Variants in PIEZO2 observed in about 807,000 individuals in gnomAD.
PIEZO2 encodes the protein piezo-type mechanosensitive ion channel component 2.
PIEZO2 carries 172 observed loss-of-function variants against 337.3 expected under a neutral mutation model. The observed-to-expected ratio is 0.51, with a 90% CI of 0.45 to 0.58. The LOEUF (loss-of-function observed/expected upper bound fraction) is 0.58. Ranked by LOEUF, PIEZO2 falls within the 20% of genes least tolerant of loss-of-function variation. PIEZO2 has a pLI of 0.00. For synonymous variants in PIEZO2, 1,251 were observed against 1,228.5 expected (o/e 1.02, Z -0.38); for missense variants, 3,028 against 3,391.3 (o/e 0.89, Z 2.66).
intron 3 of PIEZO2, among the ~76,000 whole-genome samples, chr18:10,959,802 T>C (rs1598746958): frequency 6.6e-6 from 1 of 152,206 alleles, no homozygotes; most frequent in Admixed American, 6.5e-5. Context: ...ACGCCTATAA[T>C]AAAGTTAAAT....
At chr18:11,014,460 GTC>G in intron 2 of PIEZO2, among the ~76,000 whole-genome samples, 1 of 145,750 alleles carries the variant, frequency 6.9e-6, no homozygotes, top group Non-Finnish European at 1.5e-5. Context: ...TGGGGAACAT[GTC>G]ACCCTGGGTG....
chr18:10,756,302 G>A (rs1425692452), intron 27 of PIEZO2, among the ~76,000 whole-genome samples: 3 of 151,614 alleles, frequency 2.0e-5, no homozygotes, highest in African/African-American at 7.3e-5. Flanking sequence ...GGATGAGAAG[G>A]AGAAATGGAG....
Position 10,932,648 on chromosome 18 carries a change from C to T in PIEZO2, c.287-21420G>A, listed in dbSNP as rs533146871. 1.6e-4 allele frequency among the ~76,000 whole-genome samples: 24 copies of T among 152,144 alleles called. No individual in the cohort carries two copies. The South Asian group carries it at 3.9e-3, about 25-fold the overall frequency. On this transcript the variant is annotated intron_variant, in intron 3 of 55. Transcript: ENST00000674853. ...AAGGAAAAGAAAAGGAAAAGCCAGG[C>T]GTGGTGGCTCAAGCCTGTAATCCCA...
At chr18:11,087,208 C>T (rs566954362) in intron 1 of PIEZO2, among the ~76,000 whole-genome samples, 1 of 152,338 alleles carries the variant, frequency 6.6e-6, no homozygotes, top group South Asian at 2.1e-4. Flanking sequence ...ATACCTCAGG[C>T]TTCCCAGCCA....
In PIEZO2 at chr18:10,701,887, C is replaced by A. The variant is rs1043371386; in HGVS notation, c.6441+102G>T. On this transcript the variant is annotated intron_variant, in intron 43 of 55. Transcript: ENST00000674853. ...TAGATACCACTCACTGGCCCCTCAG[C>A]CCCATCACCAATCCTGATGTCCAGG... The A allele has an allele frequency of 9.9e-6, 10 of 1,005,822 alleles. No individual in the cohort carries two copies. The African/African-American group carries it at 1.3e-4, about 14-fold the overall frequency. 62.3% of individuals were successfully genotyped at this position (1,005,822 alleles called of 1,614,324 possible). A position where few individuals can be genotyped will look rare whatever the true frequency, so the allele number is the denominator to read the frequency against.
At chr18:10,741,730 T>G (rs2037224812) in intron 32 of PIEZO2, among the ~76,000 whole-genome samples, 1 of 152,224 alleles carries the variant, frequency 6.6e-6, no homozygotes, top group Non-Finnish European at 1.5e-5. Flanking sequence ...CAGGCAACGA[T>G]TGAATGATAT....
At chr18:10,842,191 T>C (rs1370390791) in intron 7 of PIEZO2, among the ~76,000 whole-genome samples, 1 of 152,194 alleles carries the variant, frequency 6.6e-6, no homozygotes, top group Admixed American at 6.5e-5. Context: ...TTTTTATTTT[T>C]GTTTTTTATT....
Position 10,815,713 on chromosome 18 carries a change from GAGA to G in PIEZO2, c.918-8442_918-8440del, listed in dbSNP as rs1201155883. Among the ~76,000 whole-genome samples, 1 of 152,210 alleles carries G rather than the reference GAGA, an allele frequency of 6.6e-6. No individual in the cohort carries two copies. Among genetic ancestry groups the G allele is most frequent in the African/African-American group, 2.4e-5 (1 of 41,452 alleles). ...TGGGAGTGCTCTCACTCAGGAACAA[GAGA>G]AGAAGGAGAACAGTCTTCTGATGGT... is the stretch of plus-strand genomic sequence containing the variant. On this transcript the variant is annotated intron_variant, in intron 7 of 55. Transcript: ENST00000674853. This position sits in a 1 kb window ranked among gnomAD's most constrained non-coding sequence, Gnocchi z 4.1.
rs930948390 is a variant in PIEZO2, at chr18:10,855,933, T to A, written c.704-367A>T. On this transcript the variant is annotated intron_variant, in intron 6 of 55. Coordinates refer to ENST00000674853, the MANE Select transcript of PIEZO2 (RefSeq NM_001378183.1). This position sits in a 1 kb window ranked among gnomAD's most constrained non-coding sequence, Gnocchi z 4.9. ...TCAAGAATTCATGTATCTGTATGTCTGTTCCAACCTTTCCTGACACCATTT... is the reference window on the plus strand; with the variant it reads ...TCAAGAATTCATGTATCTGTATGTCAGTTCCAACCTTTCCTGACACCATTT... Among the ~76,000 whole-genome samples the A allele has an allele frequency of 4.6e-5, 7 of 152,212 alleles. No homozygotes were observed. Among genetic ancestry groups the A allele is most frequent in the African/African-American group, 1.7e-4 (7 of 41,456 alleles).
chr18:10,989,004 A>T (rs1568270764), intron 2 of PIEZO2, among the ~76,000 whole-genome samples: 1 of 152,182 alleles, frequency 6.6e-6, no homozygotes, highest in Non-Finnish European at 1.5e-5. Context: ...AGTTCTGAAG[A>T]TCTACTATAC....
In PIEZO2 at chr18:10,786,931, A is replaced by G; in HGVS notation, c.2318+105T>C. On this transcript the variant is annotated intron_variant, in intron 16 of 55. Coordinates refer to ENST00000674853, the MANE Select transcript of PIEZO2 (RefSeq NM_001378183.1). ...ATTTCTATTATTGAGGAACTTATAG[A>G]CATTGATGACATCATGCTTTACTAA... 6.4e-6 allele frequency: 7 copies of G among 1,094,314 alleles called. No homozygotes were observed. The East Asian group carries it at 1.3e-4, about 20-fold the overall frequency. The allele number at this position is 1,094,314 out of a possible 1,614,324, so 67.8% of individuals were successfully genotyped here.
intron 39 of PIEZO2, among the ~76,000 whole-genome samples, chr18:10,710,359 G>A (rs965437840): frequency 2.6e-5 from 4 of 152,118 alleles, no homozygotes; most frequent in African/African-American, 4.8e-5. Context: ...CCAAGGGGAC[G>A]GCTGCCATCA....
chr18:10,781,081 G>A lies in PIEZO2; in HGVS notation c.2493-715C>T, dbSNP rs1312660203. The stretch of plus-strand genomic sequence containing the variant: ...CATATTCAACATGTTGTTTTCTAAG[G>A]TTTTGCTAAAACTATAGTTTAAAAA... On this transcript the variant is annotated intron_variant, in intron 17 of 55. Transcript: ENST00000674853. This position sits in a 1 kb window ranked among gnomAD's most constrained non-coding sequence, Gnocchi z 4.1. 6.6e-6 allele frequency among the ~76,000 whole-genome samples: 1 copy of A among 150,994 alleles called. No individual in the cohort carries two copies. The highest frequency in any genetic ancestry group is 1.5e-5 in the Non-Finnish European group (1 of 67,860).
chr18:10,767,789 C>G lies in PIEZO2; in HGVS notation c.2946+2359G>C, dbSNP rs1302440010. ...GGCTGTCTGGAAGGGCAGCAGGACT[C>G]CACAGAGGAGTCCAGGAGGAGAAGG... On this transcript the variant is annotated intron_variant, in intron 21 of 55. Coordinates refer to ENST00000674853, the MANE Select transcript of PIEZO2 (RefSeq NM_001378183.1). The surrounding 1 kb of genome is among the most constrained non-coding windows in gnomAD (Gnocchi z 4.2). Among the ~76,000 whole-genome samples, 2 of 152,186 alleles carry G rather than the reference C, an allele frequency of 1.3e-5. No individual in the cohort carries two copies. The highest frequency in any genetic ancestry group is 4.8e-5 in the African/African-American group (2 of 41,448).
Position 10,752,683 on chromosome 18 carries a change from G to A in PIEZO2, c.4120C>T (p.Leu1374=). 1 of 1,537,194 alleles carries A rather than the reference G, an allele frequency of 6.5e-7. No individual in the cohort carries two copies. Among genetic ancestry groups the A allele is most frequent in the Non-Finnish European group, 8.7e-7 (1 of 1,146,870 alleles). ...ATCACAAAAACGTTGTATGCGATCAGCCAGTCCCAGTAGCGCAGGATGCTC... is the reference window on the plus strand; with the variant it reads ...ATCACAAAAACGTTGTATGCGATCAACCAGTCCCAGTAGCGCAGGATGCTC... ...IKSILRYWDW[L]IAYNVFVITM... The change falls in exon 28 of 56, where the codon CTG becomes TTG. Residue 1374 remains leucine (L), a synonymous_variant. Transcript: ENST00000674853.
At chr18:10,944,863 G>A (rs1008074637) in intron 3 of PIEZO2, among the ~76,000 whole-genome samples, 12 of 152,106 alleles carry the variant, frequency 7.9e-5, no homozygotes, top group Admixed American at 2.6e-4. Flanking sequence ...TTCAGGCAAC[G>A]AAAGACAGTG....
chr18:10,946,236 T>C (rs1419470228), intron 3 of PIEZO2, among the ~76,000 whole-genome samples: 2 of 152,236 alleles, frequency 1.3e-5, no homozygotes, highest in Non-Finnish European at 2.9e-5. Flanking sequence ...AAAAGTCATG[T>C]TGCAGGCAGA....
At chr18:10,882,901 C>T (rs948219648) in intron 4 of PIEZO2, among the ~76,000 whole-genome samples, 3 of 127,260 alleles carry the variant, frequency 2.4e-5, no homozygotes, top group East Asian at 2.7e-4. Flanking sequence ...TGCAGTGGTG[C>T]GATCTCAGCT....
rs1268458843 is a variant in PIEZO2 at position 11,143,267 on chromosome 18, C to T, written c.64+5258G>A. Among the ~76,000 whole-genome samples, 1 of 152,034 alleles carries T rather than the reference C, an allele frequency of 6.6e-6. No individual in the cohort carries two copies. The highest frequency in any genetic ancestry group is 2.4e-5 in the African/African-American group (1 of 41,362). Reference sequence around the variant, plus strand: ...TTCTTCATCAATTGTTCTTCAATATCCAGATGGCTTATGCTATTCTAAGTT... The same window carrying T: ...TTCTTCATCAATTGTTCTTCAATATTCAGATGGCTTATGCTATTCTAAGTT... On this transcript the variant is annotated intron_variant, in intron 1 of 55. Transcript: ENST00000674853. This position sits in a 1 kb window ranked among gnomAD's most constrained non-coding sequence, Gnocchi z 4.9.
Sources: allele counts gnomAD v4.1 joint callset (sites outside exome capture counted in the v4.1 genomes callset), GRCh38; gene constraint gnomAD v4.1.1; non-coding constraint Gnocchi (gnomAD v3.1); transcripts MANE v1.5; gene names NCBI Gene and HGNC (gene_info 2026-07-23, HGNC 2026-07-21).